Variants in NRXN3 observed in about 807,000 individuals in gnomAD.
NRXN3 encodes neurexin III.
A neutral mutation model predicts 137.6 loss-of-function variants in NRXN3; 32 were observed. The ratio of observed to expected loss-of-function variants is 0.23; its 90% CI spans 0.18 to 0.31. The LOEUF is 0.31. Among genes scored for constraint, NRXN3 ranks in the 10% least tolerant of loss-of-function variants. NRXN3 has a pLI of 1.00. For missense variants in NRXN3, 1,574 were observed against 2,062.5 expected (o/e 0.76, Z 4.59); for synonymous variants, 798 against 784.5 (o/e 1.02, Z -0.29).
chr14:78,796,680 C>T (rs1439010823), intron 8 of NRXN3, among the ~76,000 whole-genome samples: 1 of 152,132 alleles, frequency 6.6e-6, no homozygotes, highest in Non-Finnish European at 1.5e-5. Flanking sequence ...CTACACAACT[C>T]AGAGGTAATT....
intron 15 of NRXN3, among the ~76,000 whole-genome samples, chr14:79,447,823 A>G (rs1218379164): frequency 6.6e-6 from 1 of 152,176 alleles, no homozygotes; most frequent in Non-Finnish European, 1.5e-5. Flanking sequence ...ATGTGTTTTG[A>G]GATGGCCCCC....
intron 19 of NRXN3, among the ~76,000 whole-genome samples, chr14:79,802,406 T>C (rs2099185422): frequency 1.3e-5 from 2 of 152,170 alleles, no homozygotes; most frequent in Non-Finnish European, 2.9e-5. Context: ...TTTTTTCAGA[T>C]AAGTTTTCCC....
At chr14:78,989,801 C>T (rs1197650270) in intron 15 of NRXN3, among the ~76,000 whole-genome samples, 2 of 152,118 alleles carry the variant, frequency 1.3e-5, no homozygotes, top group Admixed American at 1.3e-4. Context: ...ACGTCCCTTT[C>T]TGGGTAGAAA....
chr14:78,426,781 T>G (rs924408344), intron 4 of NRXN3, among the ~76,000 whole-genome samples: 5 of 152,140 alleles, frequency 3.3e-5, no homozygotes, highest in African/African-American at 1.2e-4. Flanking sequence ...TTCCTGGGTT[T>G]TCTCAAATTT....
intron 19 of NRXN3, among the ~76,000 whole-genome samples, chr14:79,719,402 G>GTATATATATGTGTGTGTATA (rs5741998): frequency 0.056 from 7,944 of 142,218 alleles, 318 homozygotes; most frequent in Middle Eastern, 0.19. Flanking sequence ...ATATATGTGT[G>GTATATATATGTGTGTGTATA]TATATATATA....
intron 4 of NRXN3, among the ~76,000 whole-genome samples, chr14:78,395,102 T>C (rs1172084431): frequency 1.3e-5 from 2 of 151,860 alleles, no homozygotes; most frequent in Non-Finnish European, 2.9e-5. Context: ...ACTTTGGATT[T>C]ATTATTTTTT....
chr14:78,335,265 C>T (rs2081325466), intron 4 of NRXN3, among the ~76,000 whole-genome samples: 1 of 152,208 alleles, frequency 6.6e-6, no homozygotes, highest in Non-Finnish European at 1.5e-5. Context: ...GCATTATTTT[C>T]CCTTTTTTCT....
chr14:78,417,482 ACATAG>A (rs2093206366), intron 4 of NRXN3, among the ~76,000 whole-genome samples: 1 of 152,068 alleles, frequency 6.6e-6, no homozygotes, highest in African/African-American at 2.4e-5. Flanking sequence ...TTCACTTCTC[ACATAG>A]CATTATTATG....
chr14:79,734,963 C>T (rs537590056), intron 19 of NRXN3, among the ~76,000 whole-genome samples: 1 of 152,098 alleles, frequency 6.6e-6, no homozygotes. Context: ...TACTAGGTAC[C>T]AAAGCAATAG....
At position 79,551,647 on chromosome 14, in the gene NRXN3, G is replaced by A. The variant is rs74461333; in HGVS notation, c.3444+84245G>A. ...GCTGTCTGTCTTTATTCTGACAGGC[G>A]TGGACTCCAGTGTTTAGCTCAAGCC... On this transcript the variant is annotated intron_variant, in intron 16 of 20. Transcript: ENST00000335750. Among the ~76,000 whole-genome samples, 2,296 of 152,232 alleles carry A rather than the reference G, an allele frequency of 0.015. 168 individuals carry two copies. In the East Asian group the frequency reaches 0.24, roughly 16 times the overall value.
At chr14:79,130,369 G>A (rs1445924186) in intron 15 of NRXN3, among the ~76,000 whole-genome samples, 1 of 151,998 alleles carries the variant, frequency 6.6e-6, no homozygotes, top group Non-Finnish European at 1.5e-5. Flanking sequence ...TTTAGGGCAG[G>A]CCTGGTGGTG....
chr14:79,605,038 A>C (rs945022280), intron 16 of NRXN3, among the ~76,000 whole-genome samples: 10 of 152,116 alleles, frequency 6.6e-5, no homozygotes, highest in Non-Finnish European at 1.5e-4. Flanking sequence ...TCTCAAAAAA[A>C]TTTTAAAAAT....
intron 16 of NRXN3, among the ~76,000 whole-genome samples, chr14:79,565,316 C>T (rs373935139): frequency 6.7e-5 from 8 of 119,976 alleles, no homozygotes; most frequent in East Asian, 2.3e-4. Context: ...TATACACACA[C>T]ATGTGTGTGT....
At chr14:78,462,998 C>T (rs1371671490) in intron 4 of NRXN3, among the ~76,000 whole-genome samples, 3 of 152,152 alleles carry the variant, frequency 2.0e-5, no homozygotes, top group African/African-American at 7.2e-5. Context: ...CTCATCCCCT[C>T]CCATTCTCCC....
At chr14:79,527,897 A>G (rs1179660848) in intron 16 of NRXN3, among the ~76,000 whole-genome samples, 3 of 141,348 alleles carry the variant, frequency 2.1e-5, no homozygotes, top group East Asian at 1.9e-4. Context: ...AAAAGAAAGA[A>G]AAAAGTAATG....
At chr14:78,263,131 T>G (rs756757590) in intron 2 of NRXN3, among the ~76,000 whole-genome samples, 63 of 152,168 alleles carry the variant, frequency 4.1e-4, no homozygotes, top group Non-Finnish European at 7.2e-4. Context: ...TATGATGATA[T>G]AAAGTGTCAG....
intron 1 of NRXN3, among the ~76,000 whole-genome samples, chr14:78,215,189 C>G (rs1385413601): frequency 6.6e-6 from 1 of 152,146 alleles, no homozygotes; most frequent in African/African-American, 2.4e-5. Context: ...TGATCCTGTT[C>G]CCGAGCCCAC....
At chr14:78,400,781 G>A (rs117616084) in intron 4 of NRXN3, among the ~76,000 whole-genome samples, 4,167 of 152,100 alleles carry the variant, frequency 0.027, 73 homozygotes, top group Middle Eastern at 0.051. Context: ...GTATGCAGTC[G>A]GTTTCTCTCT....
At chr14:78,639,564 T>C (rs1390787274) in intron 4 of NRXN3, among the ~76,000 whole-genome samples, 1 of 152,238 alleles carries the variant, frequency 6.6e-6, no homozygotes, top group African/African-American at 2.4e-5. Context: ...AAAGTCAACC[T>C]ACTCCCCTAC....
Sources: gnomAD v4.1 joint callset for allele counts (sites outside exome capture counted in the v4.1 genomes callset) on GRCh38, gnomAD v4.1.1 for gene constraint, MANE v1.5 for transcripts, NCBI Gene and HGNC (gene_info 2026-07-23, HGNC 2026-07-21) for gene names.